NDEL1: variants seen among roughly 807,000 people sequenced by gnomAD.
The protein encoded by NDEL1 is nudE neurodevelopment protein 1 like 1.
A neutral mutation model predicts 45.7 loss-of-function variants in NDEL1; 9 were observed. That is an observed-to-expected ratio of 0.20 (90% CI 0.12 to 0.34). NDEL1 has a LOEUF of 0.34. NDEL1 is among the 10% of genes least tolerant of loss of function. The pLI, the probability that NDEL1 is intolerant of heterozygous loss-of-function variation, is 1.00. For missense variants in NDEL1, 306 were observed against 406.2 expected, an observed-to-expected ratio of 0.75 and a Z score of 2.12; for synonymous variants, 133 against 158.6, an observed-to-expected ratio of 0.84 and a Z score of 1.21.
rs752831108 is a variant in NDEL1, at chr17:8,445,770, C to G, written c.146C>G (p.Ala49Gly). The G allele has an allele frequency of 1.9e-6, 3 of 1,601,222 alleles. No individual in the cohort carries two copies. Among genetic ancestry groups the G allele is most frequent in the Non-Finnish European group, 2.6e-6 (3 of 1,175,484 alleles). The stretch of plus-strand genomic sequence containing the variant: ...CAGGAAGGAAGCAGAGAATTAGAAG[C>G]AGAGTTGGAGGCACAATTAGTACAG... ...EFQEGSRELEAELEAQLVQAE... is the reference protein window; with the variant it reads ...EFQEGSRELEGELEAQLVQAE... The change falls in exon 3 of 9, where the codon GCA becomes GGA. Residue 49 changes from alanine to glycine, a missense_variant. Around this residue, in one of 3 missense-constraint regions of NDEL1, gnomAD observed 112 missense variants for 148.3 expected, o/e 0.76. Transcript: ENST00000334527.
chr17:8,418,646 T>TTTCCTTCC (rs1016492860), intron 1 of NDEL1, among the ~76,000 whole-genome samples: 2 of 151,362 alleles, frequency 1.3e-5, no homozygotes, highest in Non-Finnish European at 3.0e-5. Context: ...TCCTTCCTTC[T>TTTCCTTCC]TTCCTTCCTT....
chr17:8,425,503 G>A (rs1050987976), intron 1 of NDEL1, among the ~76,000 whole-genome samples: 2 of 151,508 alleles, frequency 1.3e-5, no homozygotes, highest in African/African-American at 4.9e-5. Context: ...GATCACCTGA[G>A]CCCAGGAGGT....
chr17:8,432,187 T>C (rs1461814751), upstream of NDEL1: 1 of 150,944 alleles, frequency 6.6e-6, no homozygotes, highest in Non-Finnish European at 1.5e-5. Context: ...TTCGTAACCA[T>C]GATATCAGCC....
intron 8 of NDEL1, 180 bp from the exon 9 acceptor site, chr17:8,466,750 G>A (rs927354773): frequency 4.9e-6 from 3 of 616,652 alleles, no homozygotes; most frequent in Non-Finnish European, 8.5e-6. Context: ...ATTCCCAAAG[G>A]CTCAATTCTC....
chr17:8,463,017 G>T, intron 8 of NDEL1: 1 of 257,998 alleles, frequency 3.9e-6, no homozygotes, highest in Non-Finnish European at 7.4e-6. Flanking sequence ...GCCAGTTCCT[G>T]AAACATGGGC....
At chr17:8,453,792 A>G (rs1005450665) in intron 6 of NDEL1, among the ~76,000 whole-genome samples, 6 of 152,208 alleles carry the variant, frequency 3.9e-5, no homozygotes, top group Non-Finnish European at 8.8e-5. Context: ...CAGCTGAGAA[A>G]AATTTGAAAT....
upstream of NDEL1, among the ~76,000 whole-genome samples, chr17:8,432,745 G>A (rs1191171806): frequency 6.6e-6 from 1 of 152,078 alleles, no homozygotes; most frequent in Non-Finnish European, 1.5e-5. Context: ...GGGACTGTAA[G>A]GTGATGTCTA....
intron 8 of NDEL1, chr17:8,461,149 A>G (rs1429651357): frequency 6.6e-6 from 1 of 152,170 alleles, no homozygotes; most frequent in East Asian, 1.9e-4. Context: ...GAGCAGGTAC[A>G]ACTCTAGAAA....
upstream of NDEL1, among the ~76,000 whole-genome samples, chr17:8,434,319 C>T (rs1194033916): frequency 6.6e-6 from 1 of 152,160 alleles, no homozygotes; most frequent in Admixed American, 6.5e-5. Flanking sequence ...CGGGTTCGAG[C>T]GATTCTCCTG....
At chr17:8,445,500 G>A (rs1312020526) in intron 2 of NDEL1, among the ~76,000 whole-genome samples, 1 of 150,686 alleles carries the variant, frequency 6.6e-6, no homozygotes, top group African/African-American at 2.4e-5. Context: ...CATAAATATT[G>A]TAATCACTGA....
chr17:8,445,354 A>C (rs910860296), intron 2 of NDEL1, among the ~76,000 whole-genome samples: 3 of 152,222 alleles, frequency 2.0e-5, no homozygotes, highest in Non-Finnish European at 4.4e-5. Flanking sequence ...ATGTGAAAAT[A>C]TGTGTGATTT....
At chr17:8,426,053 G>A (rs567281801) in intron 1 of NDEL1, among the ~76,000 whole-genome samples, 1 of 152,354 alleles carries the variant, frequency 6.6e-6, no homozygotes, top group Non-Finnish European at 1.5e-5. Context: ...GCCTCCTAAA[G>A]TGTTGGGATT....
At position 8,467,134 on chromosome 17, in the gene NDEL1, C is replaced by T. The variant is rs767858814; in HGVS notation, c.*111C>T. 4.7e-5 allele frequency: 50 copies of T among 1,074,524 alleles called. No individual in the cohort carries two copies. The highest frequency in any genetic ancestry group is 5.6e-4 in the Middle Eastern group (2 of 3,550). The allele number at this position is 1,074,524 out of a possible 1,614,324, so 66.6% of individuals were successfully genotyped here. On this transcript the variant is annotated 3_prime_UTR_variant, in exon 9 of 9. Transcript: ENST00000334527. The surrounding 1 kb of genome is among the most constrained non-coding windows in gnomAD (Gnocchi z 6.3). Reference sequence around the variant, plus strand: ...CCGTGCCCCTCCGTCTGCCTCCGCACGGCTGGCAGAGGGCAGGCTGCATGC... The same window carrying T: ...CCGTGCCCCTCCGTCTGCCTCCGCATGGCTGGCAGAGGGCAGGCTGCATGC...
chr17:8,421,709 T>C (rs1043671257), intron 1 of NDEL1, among the ~76,000 whole-genome samples: 3 of 152,200 alleles, frequency 2.0e-5, no homozygotes, highest in Non-Finnish European at 4.4e-5. Context: ...AGACCTTAGA[T>C]GCCCATGAAG....
At chr17:8,470,210 C>T (rs1422750211), downstream of NDEL1, among the ~76,000 whole-genome samples, 1 of 152,138 alleles carries the variant, frequency 6.6e-6, no homozygotes, top group Non-Finnish European at 1.5e-5. The surrounding 1 kb of genome is among the most constrained non-coding windows in gnomAD (Gnocchi z 4.2). Flanking sequence ...AAGAGTGCCT[C>T]TGGGTAGAGT....
rs557433080 is a variant in NDEL1 at position 8,428,705 on chromosome 17, T to TCTCA, written c.-13+15439_-13+15440insACTC. Among the ~76,000 whole-genome samples, 192 of 144,678 alleles carry TCTCA rather than the reference T, an allele frequency of 1.3e-3. 1 individual carries two copies. Among genetic ancestry groups the TCTCA allele is most frequent in the African/African-American group, 4.5e-3 (174 of 38,728 alleles). The allele number at this position is 144,678 out of a possible 152,430, so 94.9% of individuals were successfully genotyped here. A position where few individuals can be genotyped will look rare whatever the true frequency, so the allele number is the denominator to read the frequency against. ...AGATTTTTGTTTTTTTGAGATGGAGTCTCTTTCACCCAGGCCAGACTGCAG... is the reference window on the plus strand; with the variant it reads ...AGATTTTTGTTTTTTTGAGATGGAGTCTCACTCTTTCACCCAGGCCAGACTGCAG... On this transcript the variant is annotated intron_variant, in intron 1 of 4. Transcript: ENST00000582812.
chr17:8,469,677 G>C (rs797013839), downstream of NDEL1, among the ~76,000 whole-genome samples: 60 of 150,120 alleles, frequency 4.0e-4, 1 homozygote, highest in African/African-American at 1.4e-3. Flanking sequence ...TAATTTAGCA[G>C]TGGGGGGTTA....
chr17:8,446,936 C>T, intron 4 of NDEL1, 34 bp downstream of exon 4: 1 of 1,599,578 alleles, frequency 6.3e-7, no homozygotes, highest in Non-Finnish European at 8.5e-7. Context: ...TAGAAAAAAA[C>T]CACCTTGGTA....
At chr17:8,436,852 G>T (rs919759058) in intron 1 of NDEL1, among the ~76,000 whole-genome samples, 1 of 152,130 alleles carries the variant, frequency 6.6e-6, no homozygotes, top group Non-Finnish European at 1.5e-5. Flanking sequence ...GCTGGGATGG[G>T]GGTAATTATT....
Sources: gnomAD v4.1 joint callset for allele counts (sites outside exome capture counted in the v4.1 genomes callset) on GRCh38, gnomAD v4.1.1 for gene constraint, gnomAD v4.1.1 regional missense constraint, Gnocchi (gnomAD v3.1) non-coding constraint, MANE v1.5 for transcripts, NCBI Gene and HGNC (gene_info 2026-07-23, HGNC 2026-07-21) for gene names.